TYW1B: variants seen among roughly 807,000 people sequenced by gnomAD.
TYW1B encodes S-adenosyl-L-methionine-dependent tRNA 4-demethylwyosine synthase TYW1B.
In TYW1B, 73 loss-of-function variants were observed where a neutral mutation model predicts 86.9. The ratio of observed to expected loss-of-function variants is 0.84; its 90% confidence interval spans 0.70 to 1.02. The LOEUF (loss-of-function observed/expected upper bound fraction) is 1.02. TYW1B is among the 50% of genes least tolerant of loss of function. TYW1B has a pLI of 0.00. For missense variants in TYW1B, 637 were observed against 827.4 expected, an observed-to-expected ratio of 0.77 and a Z score of 2.82; for synonymous variants, 248 against 292.8, an observed-to-expected ratio of 0.85 and a Z score of 1.56.
At chr7:72,672,285 C>G (rs1691711207) in intron 11 of TYW1B, among the ~76,000 whole-genome samples, 1 of 151,946 alleles carries the variant, frequency 6.6e-6, no homozygotes, top group Admixed American at 6.6e-5. Context: ...ATTGCTCAGT[C>G]TCGGGTGTGT....
intron 10 of TYW1B, among the ~76,000 whole-genome samples, chr7:72,710,426 T>A (rs1357089193): frequency 6.6e-6 from 1 of 152,240 alleles, no homozygotes; most frequent in Non-Finnish European, 1.5e-5. Flanking sequence ...CACCTTTTTA[T>A]ACAACTTCAA....
intron 11 of TYW1B, among the ~76,000 whole-genome samples, chr7:72,644,856 G>A (rs562182198): frequency 7.0e-4 from 94 of 133,496 alleles, no homozygotes; most frequent in Admixed American, 2.2e-3. Context: ...TTGAGACAGA[G>A]TCTCTCTGTT....
At chr7:72,758,228 C>A (rs541062576) in intron 7 of TYW1B, among the ~76,000 whole-genome samples, 14 of 151,956 alleles carry the variant, frequency 9.2e-5, no homozygotes, top group Non-Finnish European at 1.3e-4. Context: ...ACAACAACAA[C>A]AAAAAAGCTG....
intron 7 of TYW1B, among the ~76,000 whole-genome samples, chr7:72,756,549 T>G (rs943855555): frequency 6.6e-6 from 1 of 152,046 alleles, no homozygotes; most frequent in Non-Finnish European, 1.5e-5. Context: ...ACCGTCAGAT[T>G]TGAGCTAACC....
intron 13 of TYW1B, among the ~76,000 whole-genome samples, chr7:72,607,252 G>T (rs375926567): frequency 6.6e-6 from 1 of 151,896 alleles, no homozygotes; most frequent in Non-Finnish European, 1.5e-5. Flanking sequence ...AATTAGCTGG[G>T]TGTGGTGGTA....
At chr7:72,724,618 A>G (rs1434301465) in intron 9 of TYW1B, among the ~76,000 whole-genome samples, 1 of 152,206 alleles carries the variant, frequency 6.6e-6, no homozygotes, top group Non-Finnish European at 1.5e-5. Flanking sequence ...TGCTAACCTG[A>G]AGAGCATCAA....
intron 7 of TYW1B, among the ~76,000 whole-genome samples, chr7:72,749,445 C>G (rs1220936335): frequency 6.6e-6 from 1 of 152,220 alleles, no homozygotes; most frequent in African/African-American, 2.4e-5. Context: ...AGGCACCCAC[C>G]ACCAAGCCCG....
chr7:72,614,223 G>A (rs1812009959), intron 13 of TYW1B, among the ~76,000 whole-genome samples: 1 of 151,750 alleles, frequency 6.6e-6, no homozygotes, highest in African/African-American at 2.4e-5. Flanking sequence ...AAGGAAAGAA[G>A]GGAATACAGG....
rs1332274975 is a variant in TYW1B at position 72,676,914 on chromosome 7, C to T, written c.1506+17773G>A. The stretch of plus-strand genomic sequence containing the variant: ...CGGAGGTTGCAGTGTGCTAAGATCA[C>T]GCCACTGTACTCCAGCCTGGGTGAC... On this transcript the variant is annotated intron_variant, in intron 11 of 13. Transcript: ENST00000620995. Among the ~76,000 whole-genome samples the T allele has an allele frequency of 3.3e-5, 5 of 152,006 alleles. No homozygotes were observed. The East Asian group carries it at 5.8e-4, about 18-fold the overall frequency.
At chr7:72,781,210 G>C (rs1185918800) in intron 6 of TYW1B, among the ~76,000 whole-genome samples, 1 of 152,034 alleles carries the variant, frequency 6.6e-6, no homozygotes, top group East Asian at 1.9e-4. Flanking sequence ...CGTGATACCA[G>C]AGGCAATCAG....
At chr7:72,733,444 A>T (rs1291316952) in intron 8 of TYW1B, among the ~76,000 whole-genome samples, 1 of 152,026 alleles carries the variant, frequency 6.6e-6, no homozygotes, top group East Asian at 1.9e-4. Context: ...CGGATCATGA[A>T]TTCAGGAGAT....
chr7:72,783,132 C>T (rs546059067), intron 6 of TYW1B, among the ~76,000 whole-genome samples: 33 of 152,252 alleles, frequency 2.2e-4, no homozygotes, highest in African/African-American at 7.5e-4. Context: ...GACGTGGTGG[C>T]TCACGCCTGT....
intron 13 of TYW1B, among the ~76,000 whole-genome samples, chr7:72,577,268 C>G (rs1280496261): frequency 2.0e-5 from 3 of 151,662 alleles, no homozygotes; most frequent in Admixed American, 1.3e-4. Flanking sequence ...TAAATGACAT[C>G]TGATTTTTTA....
rs782136476 is a variant in TYW1B, at chr7:72,802,471, G to T, written c.775C>A (p.His259Asn). ...SSEEEFGGED[H>N]QSLNSIVDVE... ...TCAACAATGGAATTTAGGCTCTGAT[G>T]GTCCTCACCACCAAACTCTTCTTCA... Residue 259 changes from histidine (H) to asparagine (N), a missense_variant, in exon 6 of 14, where the codon CAT (histidine) becomes AAT (asparagine). Coordinates refer to ENST00000620995, the MANE Select transcript of TYW1B (RefSeq NM_001145440.3). The T allele has an allele frequency of 1.2e-6, 2 of 1,613,726 alleles. No homozygotes were observed. The highest frequency in any genetic ancestry group is 3.3e-5 in the Admixed American group (2 of 59,966).
intron 11 of TYW1B, among the ~76,000 whole-genome samples, chr7:72,632,435 TAC>T (rs1194135303): frequency 2.1e-5 from 2 of 95,190 alleles, no homozygotes; most frequent in South Asian, 5.4e-4. Context: ...AATATATATA[TAC>T]GTATATATAT....
intron 7 of TYW1B, among the ~76,000 whole-genome samples, chr7:72,771,735 T>G (rs1554469669): frequency 1.3e-5 from 2 of 152,038 alleles, no homozygotes; most frequent in African/African-American, 4.8e-5. Flanking sequence ...GCTAAATTAT[T>G]GCAGTCAACC....
chr7:72,719,681 A>G (rs1786859825), intron 9 of TYW1B, among the ~76,000 whole-genome samples: 1 of 151,682 alleles, frequency 6.6e-6, no homozygotes, highest in Non-Finnish European at 1.5e-5. Context: ...GGAGAAGAAA[A>G]GAAAGAGCAG....
chr7:72,595,403 A>G (rs1407650741), intron 13 of TYW1B, among the ~76,000 whole-genome samples: 24 of 152,208 alleles, frequency 1.6e-4, no homozygotes, highest in African/African-American at 5.5e-4. Context: ...AATAGCCACC[A>G]TAGTGAGTGG....
At chr7:72,770,427 C>A (rs1244103564) in intron 7 of TYW1B, among the ~76,000 whole-genome samples, 994 of 94,032 alleles carry the variant, frequency 0.011, no homozygotes, top group South Asian at 0.018. Context: ...GACTCCGTCT[C>A]AAAAAAAAAA....
Sources: gnomAD v4.1 joint callset for allele counts (sites outside exome capture counted in the v4.1 genomes callset) on GRCh38, gnomAD v4.1.1 for gene constraint, MANE v1.5 for transcripts, NCBI Gene and HGNC (gene_info 2026-07-23, HGNC 2026-07-21) for gene names.